The following RPS6KB1 variants were observed in gnomAD, a reference collection of about 807,000 sequenced individuals.
RPS6KB1 encodes ribosomal protein S6 kinase beta-1.
RPS6KB1 carries 12 observed loss-of-function variants against 70.2 expected under a neutral mutation model. The observed-to-expected ratio is 0.17, with a 90% CI of 0.11 to 0.28. The LOEUF is 0.28. Among genes scored for constraint, RPS6KB1 ranks in the 10% least tolerant of loss-of-function variants. The probability of loss-of-function intolerance (pLI) is 1.00; values close to 1 mark genes in which losing one functional copy is unlikely to be tolerated. For missense variants in RPS6KB1, 270 were observed against 646.6 expected, an observed-to-expected ratio of 0.42 and a Z score of 6.32; for synonymous variants, 175 against 211.2, an observed-to-expected ratio of 0.83 and a Z score of 1.49.
At position 59,947,053 on chromosome 17, in the gene RPS6KB1, T is replaced by G; in HGVS notation, c.*265T>G. On this transcript the variant is annotated 3_prime_UTR_variant, in exon 15 of 15. Transcript: ENST00000225577. ...GACATCTTCTCAACCTTATCAAGGA[T>G]TTTCATGTTGATGACTCGAAACTGA... 1 of 1,290,864 alleles carries G rather than the reference T, an allele frequency of 7.7e-7. No homozygotes were observed. Among genetic ancestry groups the G allele is most frequent in the Non-Finnish European group, 9.9e-7 (1 of 1,011,656 alleles). 80.0% of individuals were successfully genotyped at this position (1,290,864 alleles called of 1,614,324 possible).
Position 59,893,681 on chromosome 17 carries a change from TC to T in RPS6KB1, c.141+359del, listed in dbSNP as rs1379162112. The T allele has an allele frequency of 1.4e-6, 1 of 689,702 alleles. No individual in the cohort carries two copies. Among genetic ancestry groups the T allele is most frequent in the Non-Finnish European group, 1.9e-6 (1 of 539,250 alleles). The allele number at this position is 689,702 out of a possible 1,614,324, so 42.7% of individuals were successfully genotyped here. A position where few individuals can be genotyped will look rare whatever the true frequency, so the allele number is the denominator to read the frequency against. On this transcript the variant is annotated intron_variant, in intron 1 of 14. Coordinates refer to ENST00000225577, the MANE Select transcript of RPS6KB1 (RefSeq NM_003161.4). This position sits in a 1 kb window ranked among gnomAD's most constrained non-coding sequence, Gnocchi z 4.1. ...AGACGGGGGCTGCTCTTGCTGGGTG[TC>T]CCGTAAGTGCAGGCGAAGTGTGGAG...
At chr17:59,919,170 G>T (rs533584786) in intron 4 of RPS6KB1, among the ~76,000 whole-genome samples, 2 of 152,310 alleles carry the variant, frequency 1.3e-5, no homozygotes, top group Admixed American at 6.5e-5. Flanking sequence ...TTCTGTGTGT[G>T]TAAGCTTCTC....
intron 1 of RPS6KB1, among the ~76,000 whole-genome samples, chr17:59,909,360 T>C (rs1258830627): frequency 4.8e-5 from 7 of 145,298 alleles, no homozygotes; most frequent in Admixed American, 3.5e-4. Flanking sequence ...TTCTGCCTTC[T>C]GGGTTCAAGC....
At chr17:59,922,456 A>G (rs566338580) in intron 4 of RPS6KB1, among the ~76,000 whole-genome samples, 1 of 148,082 alleles carries the variant, frequency 6.8e-6, no homozygotes, top group Admixed American at 6.7e-5. Context: ...TTGCCCAAAT[A>G]TTACTGTACT....
intron 1 of RPS6KB1, among the ~76,000 whole-genome samples, chr17:59,895,141 C>T (rs920839220): frequency 3.3e-5 from 5 of 151,648 alleles, no homozygotes; most frequent in Non-Finnish European, 7.4e-5. Flanking sequence ...CTGCCTCAGC[C>T]TCCTGAGTAG....
chr17:59,930,039 A>G (rs2043847368), intron 5 of RPS6KB1, 78 bp from the exon 6 acceptor site: 1 of 790,604 alleles, frequency 1.3e-6, no homozygotes. Context: ...GTTAGAAGGA[A>G]AGCACAAACT....
At chr17:59,943,897 T>G in intron 13 of RPS6KB1, among the ~76,000 whole-genome samples, 1 of 138,472 alleles carries the variant, frequency 7.2e-6, no homozygotes, top group South Asian at 2.3e-4. Context: ...AAATTATATA[T>G]ATATATATAC....
rs2044999656 is a variant in RPS6KB1 at position 59,947,569 on chromosome 17, A to G, written c.*781A>G. 6.5e-7 allele frequency: 1 copy of G among 1,536,212 alleles called. No homozygotes were observed. Among genetic ancestry groups the G allele is most frequent in the South Asian group, 1.2e-5 (1 of 83,032 alleles). ...TGAGAAAAAAAAAATGAATCTATTT[A>G]ATCATTTCTACTTGCAGTACTGCTA... On this transcript the variant is annotated 3_prime_UTR_variant, in exon 15 of 15. Transcript: ENST00000225577.
Position 59,947,547 on chromosome 17 carries a change from G to GAA in RPS6KB1, c.*768_*769dup. Reference sequence around the variant, plus strand: ...GCTGCAATACCTGTCTGTAATATGAGAAAAAAAAAATGAATCTATTTAATC... The same window carrying GAA: ...GCTGCAATACCTGTCTGTAATATGAGAAAAAAAAAAAATGAATCTATTTAATC... On this transcript the variant is annotated 3_prime_UTR_variant, in exon 15 of 15. Transcript: ENST00000225577. 1.6e-5 allele frequency: 23 copies of GAA among 1,415,160 alleles called. No individual in the cohort carries two copies. Among genetic ancestry groups the GAA allele is most frequent in the South Asian group, 4.0e-5 (3 of 74,260 alleles). The allele number at this position is 1,415,160 out of a possible 1,614,324, so 87.7% of individuals were successfully genotyped here.
chr17:59,895,933 G>GCA (rs2041530641), intron 1 of RPS6KB1, among the ~76,000 whole-genome samples: 1 of 152,098 alleles, frequency 6.6e-6, no homozygotes, highest in African/African-American at 2.4e-5. Flanking sequence ...GCATCCGGTT[G>GCA]GTGTGTGCTT....
intron 1 of RPS6KB1, among the ~76,000 whole-genome samples, chr17:59,902,723 C>T (rs369156193): frequency 6.6e-6 from 1 of 151,940 alleles, no homozygotes; most frequent in African/African-American, 2.4e-5. Context: ...ACCACAGGCA[C>T]GTGCCACCAT....
At chr17:59,935,360 A>G in intron 10 of RPS6KB1, 60 bp downstream of exon 10, 1 of 892,250 alleles carries the variant, frequency 1.1e-6, no homozygotes, top group South Asian at 1.5e-5. Flanking sequence ...TTAACTAGAT[A>G]GAATTTAATG....
chr17:59,898,699 C>T (rs2041717479), intron 1 of RPS6KB1, among the ~76,000 whole-genome samples: 1 of 151,692 alleles, frequency 6.6e-6, no homozygotes, highest in South Asian at 2.1e-4. Flanking sequence ...TCAGGCGATA[C>T]ACCTGCCTCG....
At chr17:59,915,844 G>A (rs1276100501) in intron 4 of RPS6KB1, among the ~76,000 whole-genome samples, 2 of 119,576 alleles carry the variant, frequency 1.7e-5, no homozygotes, top group Non-Finnish European at 3.4e-5. Flanking sequence ...GGAGTGCAGT[G>A]GAGTGATCTC....
intron 4 of RPS6KB1, among the ~76,000 whole-genome samples, chr17:59,918,426 G>C (rs1312620597): frequency 6.6e-6 from 1 of 151,242 alleles, no homozygotes; most frequent in East Asian, 2.0e-4. Context: ...TTTGAGTGCA[G>C]TGGTGCGATC....
intron 1 of RPS6KB1, among the ~76,000 whole-genome samples, chr17:59,895,694 C>T (rs1379267954): frequency 6.7e-6 from 1 of 148,726 alleles, no homozygotes; most frequent in African/African-American, 2.5e-5. Flanking sequence ...ATGCAGTGGC[C>T]TGATCTCGGC....
chr17:59,907,776 C>T (rs573281184), intron 1 of RPS6KB1, among the ~76,000 whole-genome samples: 18 of 152,172 alleles, frequency 1.2e-4, no homozygotes, highest in Middle Eastern at 3.4e-3. Flanking sequence ...TCCAAGTAAT[C>T]CTCCTGCCTT....
intron 4 of RPS6KB1, among the ~76,000 whole-genome samples, chr17:59,921,776 A>G (rs1405400237): frequency 2.0e-5 from 3 of 152,082 alleles, no homozygotes; most frequent in South Asian, 2.1e-4. Flanking sequence ...ACTATTGCCT[A>G]CGGCATTAGT....
At chr17:59,908,261 C>T (rs528837354) in intron 1 of RPS6KB1, among the ~76,000 whole-genome samples, 2 of 151,022 alleles carry the variant, frequency 1.3e-5, no homozygotes, top group South Asian at 4.2e-4. Flanking sequence ...GGCGAGATCT[C>T]GGCTCACTGC....
Sources: allele counts gnomAD v4.1 joint callset (sites outside exome capture counted in the v4.1 genomes callset), GRCh38; gene constraint gnomAD v4.1.1; non-coding constraint Gnocchi (gnomAD v3.1); transcripts MANE v1.5; gene names NCBI Gene and HGNC (gene_info 2026-07-23, HGNC 2026-07-21).